The following RBFOX1 variants were observed in gnomAD, a reference collection of about 807,000 sequenced individuals.
The protein encoded by RBFOX1 is RNA binding protein fox-1 homolog 1.
In RBFOX1, 8 loss-of-function variants were observed where a neutral mutation model predicts 57.7. That is an observed-to-expected ratio of 0.14 (90% CI 0.08 to 0.25). The LOEUF is 0.25. Among genes scored for constraint, RBFOX1 ranks in the 10% least tolerant of loss-of-function variants. The pLI, the probability that RBFOX1 is intolerant of heterozygous loss-of-function variation, is 1.00. For synonymous variants in RBFOX1, 326 were observed against 222.4 expected, an observed-to-expected ratio of 1.47 and a Z score of -4.15; for missense variants, 611 against 548.5, an observed-to-expected ratio of 1.11 and a Z score of -1.14.
intron 5 of RBFOX1, among the ~76,000 whole-genome samples, chr16:7,524,367 C>T (rs1397953243): frequency 6.6e-6 from 1 of 152,186 alleles, no homozygotes; most frequent in South Asian, 2.1e-4. Context: ...TGAGTCCCTG[C>T]AGGCCTTTTT....
chr16:5,544,949 T>C (rs2151068843), intron 2 of RBFOX1, among the ~76,000 whole-genome samples: 1 of 115,986 alleles, frequency 8.6e-6, no homozygotes, highest in African/African-American at 3.2e-5. Context: ...TACTATTACA[T>C]TCTTTTTTTT....
chr16:7,108,972 CG>C (rs1567289924), intron 4 of RBFOX1, among the ~76,000 whole-genome samples: 2 of 152,012 alleles, frequency 1.3e-5, no homozygotes, highest in Non-Finnish European at 2.9e-5. Context: ...TGAAGCATAA[CG>C]TTATGTGTGG....
At chr16:7,139,093 C>T (rs2072873055) in intron 4 of RBFOX1, among the ~76,000 whole-genome samples, 1 of 151,926 alleles carries the variant, frequency 6.6e-6, no homozygotes, top group Non-Finnish European at 1.5e-5. Context: ...CATGAGCCAC[C>T]ATGCATGGTC....
chr16:6,292,653 C>A (rs1219337541), intron 1 of RBFOX1, among the ~76,000 whole-genome samples: 1 of 152,142 alleles, frequency 6.6e-6, no homozygotes, highest in Non-Finnish European at 1.5e-5. Context: ...TGTAGTCAGA[C>A]TGATTTTTGC....
At chr16:7,326,470 AAGAC>A (rs1309090246) in intron 4 of RBFOX1, among the ~76,000 whole-genome samples, 5 of 152,114 alleles carry the variant, frequency 3.3e-5, no homozygotes, top group East Asian at 3.9e-4. Flanking sequence ...TGGGGCACTG[AAGAC>A]AGACAGAGCT....
intron 2 of RBFOX1, among the ~76,000 whole-genome samples, chr16:6,563,023 A>C (rs2097204821): frequency 6.6e-6 from 1 of 151,198 alleles, no homozygotes; most frequent in Non-Finnish European, 1.5e-5. Flanking sequence ...TCATGTGTTC[A>C]ATGTCATTTG....
chr16:7,001,428 A>T (rs562632510), intron 3 of RBFOX1, among the ~76,000 whole-genome samples: 56 of 151,350 alleles, frequency 3.7e-4, no homozygotes, highest in Admixed American at 1.1e-3. Context: ...GTATATGTAT[A>T]TGTATATGTA....
At chr16:6,427,705 TG>T (rs2093970382) in intron 2 of RBFOX1, among the ~76,000 whole-genome samples, 1 of 152,226 alleles carries the variant, frequency 6.6e-6, no homozygotes, top group Non-Finnish European at 1.5e-5. Flanking sequence ...TAATTCTATC[TG>T]CCATGATGTG....
chr16:7,412,324 A>G (rs1025492366), intron 4 of RBFOX1, among the ~76,000 whole-genome samples: 2 of 151,606 alleles, frequency 1.3e-5, no homozygotes, highest in Non-Finnish European at 2.9e-5. Flanking sequence ...CTGAGGCAGG[A>G]GAATCACTTG....
intron 3 of RBFOX1, among the ~76,000 whole-genome samples, chr16:5,689,030 A>G (rs117038968): frequency 0.027 from 4,175 of 152,268 alleles, 74 homozygotes; most frequent in Non-Finnish European, 0.043. Context: ...TCAAGGCAGG[A>G]TTTTATTTTG....
At chr16:7,606,330 C>T (rs1182846095) in intron 9 of RBFOX1, among the ~76,000 whole-genome samples, 1 of 152,020 alleles carries the variant, frequency 6.6e-6, no homozygotes, top group African/African-American at 2.4e-5. Context: ...ACTATGTTGG[C>T]CAGGCTGGTC....
rs146237133 is a variant in RBFOX1 at position 6,950,539 on chromosome 16, T to C, written c.-15-101518T>C. On this transcript the variant is annotated intron_variant, in intron 3 of 15. Transcript: ENST00000550418. ...AATAGAAATTGCATTTGGCCATTAT[T>C]TCCAGGCTTAGAAATGAATGTGTGT... Among the ~76,000 whole-genome samples the C allele has an allele frequency of 5.0e-4, 76 of 152,296 alleles. No individual in the cohort carries two copies. The East Asian group carries it at 9.8e-3, about 20-fold the overall frequency.
At chr16:6,624,820 C>G (rs747798818) in intron 2 of RBFOX1, among the ~76,000 whole-genome samples, 1 of 152,114 alleles carries the variant, frequency 6.6e-6, no homozygotes, top group African/African-American at 2.4e-5. Context: ...ATACTTAGCA[C>G]ATACCATGTA....
At chr16:7,293,728 G>A (rs1332493552) in intron 4 of RBFOX1, among the ~76,000 whole-genome samples, 1 of 152,106 alleles carries the variant, frequency 6.6e-6, no homozygotes, top group Non-Finnish European at 1.5e-5. Context: ...CCCAATACCC[G>A]ATACATCCCC....
At chr16:6,239,388 G>A (rs531660102) in intron 1 of RBFOX1, among the ~76,000 whole-genome samples, 5 of 148,716 alleles carry the variant, frequency 3.4e-5, no homozygotes, top group Admixed American at 2.7e-4. Context: ...TCATATGAAT[G>A]AAAAATTTAT....
rs75286932 is a variant in RBFOX1, at chr16:6,875,986, G to C, written c.-15-176071G>C. The stretch of plus-strand genomic sequence containing the variant: ...GCACTTCAGCCTGGGCAACACAGTG[G>C]AACTTGTCTCAAAAAATAATAATTC... On this transcript the variant is annotated intron_variant, in intron 3 of 15. Transcript: ENST00000550418. 2.5e-3 allele frequency among the ~76,000 whole-genome samples: 381 copies of C among 151,800 alleles called. 3 individuals carry two copies. The highest frequency in any genetic ancestry group is 8.8e-3 in the African/African-American group (365 of 41,394).
chr16:7,368,859 C>T (rs1018356391), intron 4 of RBFOX1, among the ~76,000 whole-genome samples: 4 of 151,984 alleles, frequency 2.6e-5, no homozygotes. Context: ...AAAAGCAAGC[C>T]AGACAGTTAT....
At chr16:6,863,737 T>TA (rs1567614500) in intron 3 of RBFOX1, among the ~76,000 whole-genome samples, 2 of 80,602 alleles carry the variant, frequency 2.5e-5, no homozygotes, top group Non-Finnish European at 5.8e-5. Flanking sequence ...TTTTTTTTTT[T>TA]TTTTTTTTTT....
chr16:5,425,531 A>G (rs955891071), intron 1 of RBFOX1, among the ~76,000 whole-genome samples: 1 of 152,144 alleles, frequency 6.6e-6, no homozygotes, highest in Non-Finnish European at 1.5e-5. Context: ...GATGCTATTT[A>G]CCAAATTGGG....
Sources: allele counts gnomAD v4.1 joint callset (sites outside exome capture counted in the v4.1 genomes callset), GRCh38; gene constraint gnomAD v4.1.1; transcripts MANE v1.5; gene names NCBI Gene and HGNC (gene_info 2026-07-23, HGNC 2026-07-21).